RGN: variants seen among roughly 807,000 people sequenced by gnomAD.
The protein encoded by RGN is epididymis secretory protein Li 41.
Under a neutral mutation model 20.6 loss-of-function variants are expected in RGN, and 19 were observed. That is an observed-to-expected ratio of 0.92 (90% CI 0.64 to 1.35). RGN has a LOEUF of 1.35. RGN is among the 40% of genes most tolerant of loss of function. The pLI is 0.00. For synonymous variants in RGN, 85 were observed against 87.2 expected, an observed-to-expected ratio of 0.97 and a Z score of 0.14; for missense variants, 302 against 232.7, an observed-to-expected ratio of 1.30 and a Z score of -1.94.
intron 3 of RGN, among the ~76,000 whole-genome samples, chrX:47,082,620 T>C (rs1223908127): frequency 9.0e-6 from 1 of 111,474 alleles, no homozygotes; most frequent in African/African-American, 3.3e-5. Flanking sequence ...GCCTTAAACT[T>C]CTTTATTTTT....
chrX:47,092,623 A>G lies in RGN; in HGVS notation c.850-274A>G, dbSNP rs781911462. Among the ~76,000 whole-genome samples the G allele has an allele frequency of 2.7e-5, 3 of 112,364 alleles. No homozygotes were observed. The East Asian group carries it at 8.3e-4, about 31-fold the overall frequency. ...GAGCTTTTGAGCTGAAAAGAAATACATAATGTAGAAACCCCTTTCTTAGCA... is the reference window on the plus strand; with the variant it reads ...GAGCTTTTGAGCTGAAAAGAAATACGTAATGTAGAAACCCCTTTCTTAGCA... On this transcript the variant is annotated intron_variant, in intron 7 of 7. Transcript: ENST00000397180.
In RGN at chrX:47,080,694, G is replaced by A. The variant is rs1312956229; in HGVS notation, c.-258G>A. On this transcript the variant is annotated 5_prime_UTR_variant, in exon 2 of 8. Transcript: ENST00000397180. ...CCCTGGCCTCTGCACCCTCATAGAG[G>A]GGCTCAACAGCATCAACAGAAGGTG... 2.5e-5 allele frequency: 3 copies of A among 117,911 alleles called. No homozygotes were observed. The highest frequency in any genetic ancestry group is 5.2e-5 in the Non-Finnish European group (3 of 57,626). 9.7% of individuals were successfully genotyped at this position (117,911 alleles called of 1,213,427 possible).
chrX:47,082,611 C>A (rs781996009), intron 3 of RGN, among the ~76,000 whole-genome samples: 2 of 111,435 alleles, frequency 1.8e-5, no homozygotes, highest in South Asian at 7.5e-4. Flanking sequence ...CCACGCCCAG[C>A]CTTAAACTTC....
intron 3 of RGN, among the ~76,000 whole-genome samples, chrX:47,081,842 C>T (rs977511048): frequency 1.7e-4 from 19 of 112,360 alleles, no homozygotes; most frequent in Non-Finnish European, 3.4e-4. Context: ...CTACCACGCC[C>T]AGCCCATTCC....
chrX:47,087,940 T>C (rs1194469471), intron 4 of RGN, among the ~76,000 whole-genome samples: 4 of 100,517 alleles, frequency 4.0e-5, no homozygotes, highest in Non-Finnish European at 7.9e-5. Context: ...TTATATAATA[T>C]ATAATACAAC....
intron 4 of RGN, among the ~76,000 whole-genome samples, chrX:47,088,113 G>A (rs1312051889): frequency 9.5e-6 from 1 of 105,775 alleles, no homozygotes; most frequent in East Asian, 2.9e-4. Context: ...TCTCAAGAGA[G>A]GTCATAGCTC....
At chrX:47,092,317 T>C in intron 7 of RGN, 102 bp downstream of exon 7, 1 of 725,892 alleles carries the variant, frequency 1.4e-6, no homozygotes, top group Non-Finnish European at 2.0e-6. Flanking sequence ...CAAAGCATAA[T>C]CCTATTTAGC....
At chrX:47,089,592 T>TAC (rs1184506233) in intron 4 of RGN, among the ~76,000 whole-genome samples, 184 bp from the exon 5 acceptor site, 2 of 42,127 alleles carry the variant, frequency 4.7e-5, no homozygotes, top group Non-Finnish European at 7.5e-5. Flanking sequence ...TATATATATA[T>TAC]ATATATACAC....
In RGN at chrX:47,089,884, T is replaced by C. The variant is rs143093820; in HGVS notation, c.455T>C (p.Ile152Thr). The change falls in exon 5 of 8, where the codon ATT becomes ACT. Residue 152 changes from isoleucine (I) to threonine (T), a missense_variant. Physicochemically the swap from Ile to Thr is moderately conservative, Grantham distance 89. Coordinates refer to ENST00000397180, the MANE Select transcript of RGN (RefSeq NM_152869.4). ...AAAAAGTACTTTGACCAGGTGGACA[T>C]TTCCAATGGTTTGGATTGGTCGCTA... Reference protein sequence around the residue: ...HVKKYFDQVDISNGLDWSLDH... With the variant: ...HVKKYFDQVDTSNGLDWSLDH... 8.3e-7 allele frequency: 1 copy of C among 1,205,929 alleles called. No homozygotes were observed. The highest frequency in any genetic ancestry group is 1.1e-6 in the Non-Finnish European group (1 of 893,320).
Position 47,081,257 on chromosome X carries a change from A to T in RGN, c.113A>T (p.Lys38Met), listed in dbSNP as rs782752642. The change falls in exon 3 of 8, where the codon AAG (lysine) becomes ATG (methionine). Residue 38 changes from lysine (K) to methionine (M), a missense_variant. Transcript: ENST00000397180. Reference sequence around the variant, plus strand: ...CTCTTTGTAGACATTCCTGCAAAAAAGGTTTGCCGGTGGGATTCATTCACC... The same window carrying T: ...CTCTTTGTAGACATTCCTGCAAAAATGGTTTGCCGGTGGGATTCATTCACC... Reference protein sequence around the residue: ...SLLFVDIPAKKVCRWDSFTKQ... With the variant: ...SLLFVDIPAKMVCRWDSFTKQ... The T allele has an allele frequency of 2.6e-4, 320 of 1,208,437 alleles. No homozygotes were observed. In the South Asian group the frequency reaches 5.4e-3, roughly 21 times the overall value.
chrX:47,081,210 G>A lies in RGN; in HGVS notation c.66G>A (p.Trp22Ter). 8.3e-7 allele frequency: 1 copy of A among 1,205,350 alleles called. No individual in the cohort carries two copies. Among genetic ancestry groups the A allele is most frequent in the Non-Finnish European group, 1.1e-6 (1 of 889,784 alleles). ...GCCGGTGTGGTGAGTCTCCAGTATG[G>A]GAGGAAGTGTCCAACTCTCTGCTCT... ...ENCRCGESPV[W>*]EEVSNSLLFV... is the part of the protein sequence containing the mutation. Residue 22 changes from tryptophan to a stop codon, truncating the protein, a stop_gained, in exon 3 of 8, where the codon TGG becomes TGA. Transcript: ENST00000397180. LOFTEE classifies it high-confidence loss of function.
intron 4 of RGN, among the ~76,000 whole-genome samples, chrX:47,088,073 A>C (rs1345300352): frequency 9.6e-6 from 1 of 104,266 alleles, no homozygotes. Flanking sequence ...TACTAGTGCT[A>C]TGCATCTGCC....
In RGN at chrX:47,089,765, G is replaced by C; in HGVS notation, c.347-11G>C. 8.4e-7 allele frequency: 1 copy of C among 1,194,961 alleles called. No individual in the cohort carries two copies. The highest frequency in any genetic ancestry group is 2.2e-5 in the Admixed American group (1 of 44,454). On this transcript the variant is annotated splice_polypyrimidine_tract_variant and intron_variant, in intron 4 of 7. Transcript: ENST00000397180. ...TATGGGGCAGAGCTCAGTGCTCTTT[G>C]GTTTTTGTAGGCACCATGGCTGAGG...
Position 47,085,516 on chromosome X carries a change from C to CA in RGN, c.346+927dup, listed in dbSNP as rs1328799426. Among the ~76,000 whole-genome samples, 217 of 100,133 alleles carry CA rather than the reference C, an allele frequency of 2.2e-3. 1 individual carries two copies. Among genetic ancestry groups the CA allele is most frequent in the African/African-American group, 6.6e-3 (184 of 27,731 alleles). The allele number at this position is 100,133 out of a possible 115,157, so 87.0% of individuals were successfully genotyped here. ...TGGGCAATAGAGCGAGACTCCATCT[C>CA]AAAAAAAAAAAGAATAGTACAAACA... On this transcript the variant is annotated intron_variant, in intron 4 of 7. Coordinates refer to ENST00000397180, the MANE Select transcript of RGN (RefSeq NM_152869.4).
chrX:47,079,846 A>G (rs1930217831), intron 1 of RGN, among the ~76,000 whole-genome samples: 1 of 111,518 alleles, frequency 9.0e-6, no homozygotes, highest in South Asian at 3.7e-4. Context: ...ACTTCAAAGC[A>G]GATAGCTACC....
In RGN at chrX:47,080,710, A is replaced by G. The variant is rs1160182499; in HGVS notation, c.-242A>G. ...CTCATAGAGGGGCTCAACAGCATCA[A>G]CAGAAGGTGGGGGAGCAGAAGGTGC... On this transcript the variant is annotated 5_prime_UTR_variant, in exon 2 of 8. Coordinates refer to ENST00000397180, the MANE Select transcript of RGN (RefSeq NM_152869.4). The G allele has an allele frequency of 4.2e-5, 5 of 120,280 alleles. No individual in the cohort carries two copies. Among genetic ancestry groups the G allele is most frequent in the Admixed American group, 8.8e-5 (1 of 11,384 alleles). The allele number at this position is 120,280 out of a possible 1,213,427, so 9.9% of individuals were successfully genotyped here. A position where few individuals can be genotyped will look rare whatever the true frequency, so the allele number is the denominator to read the frequency against.
Position 47,081,212 on chromosome X carries a change from A to C in RGN, c.68A>C (p.Glu23Ala). Reference sequence around the variant, plus strand: ...CGGTGTGGTGAGTCTCCAGTATGGGAGGAAGTGTCCAACTCTCTGCTCTTT... The same window carrying C: ...CGGTGTGGTGAGTCTCCAGTATGGGCGGAAGTGTCCAACTCTCTGCTCTTT... ...NCRCGESPVWEEVSNSLLFVD... is the reference protein window; with the variant it reads ...NCRCGESPVWAEVSNSLLFVD... The change falls in exon 3 of 8, where the codon GAG (glutamate) becomes GCG (alanine). Residue 23 changes from glutamate (E) to alanine (A), a missense_variant. By Grantham distance (107) the Glu-to-Ala change is moderately radical. Coordinates refer to ENST00000397180, the MANE Select transcript of RGN (RefSeq NM_152869.4). The C allele has an allele frequency of 8.3e-7, 1 of 1,205,097 alleles. No homozygotes were observed. The highest frequency in any genetic ancestry group is 1.1e-6 in the Non-Finnish European group (1 of 889,582).
chrX:47,087,730 G>A (rs1262779710), intron 4 of RGN: 1 of 107,182 alleles, frequency 9.3e-6, no homozygotes, highest in Non-Finnish European at 1.9e-5. Context: ...AATTGCAGGT[G>A]TCATTGTAGG....
intron 1 of RGN, among the ~76,000 whole-genome samples, chrX:47,079,664 C>T (rs781856366): frequency 9.9e-4 from 109 of 109,782 alleles, no homozygotes; most frequent in Non-Finnish European, 7.2e-4. Flanking sequence ...AACTCCTGAC[C>T]TCATGATCCA....
Sources: gnomAD v4.1 joint callset for allele counts (sites outside exome capture counted in the v4.1 genomes callset) on GRCh38, gnomAD v4.1.1 for gene constraint, MANE v1.5 for transcripts, NCBI Gene and HGNC (gene_info 2026-07-23, HGNC 2026-07-21) for gene names.